The following SIPA1L2 variants were observed in gnomAD, a reference collection of about 807,000 sequenced individuals.
The protein encoded by SIPA1L2 is signal induced proliferation associated 1 like 2, also known as signal-induced proliferation-associated 1-like protein 2.
SIPA1L2 carries 56 observed loss-of-function variants against 163.9 expected under a neutral mutation model. The ratio of observed to expected loss-of-function variants is 0.34; its 90% CI spans 0.28 to 0.43. The LOEUF (loss-of-function observed/expected upper bound fraction) is 0.43. SIPA1L2 is among the 20% of genes least tolerant of loss of function. The pLI, the probability that SIPA1L2 is intolerant of heterozygous loss-of-function variation, is 1.00. For missense variants in SIPA1L2, 1,974 were observed against 2,193.5 expected, an observed-to-expected ratio of 0.90 and a Z score of 2.00; for synonymous variants, 877 against 865.7, an observed-to-expected ratio of 1.01 and a Z score of -0.23.
intron 2 of SIPA1L2, among the ~76,000 whole-genome samples, chr1:232,555,005 T>C (rs921140288): frequency 8.5e-5 from 13 of 152,188 alleles, no homozygotes; most frequent in Non-Finnish European, 1.3e-4. Flanking sequence ...AAACAAGAAA[T>C]TGAGTTTACA....
At chr1:232,482,443 GAA>G (rs61073207) in intron 6 of SIPA1L2, among the ~76,000 whole-genome samples, 11 of 139,162 alleles carry the variant, frequency 7.9e-5, no homozygotes, top group Non-Finnish European at 1.3e-4. Context: ...AGAGGAGTTT[GAA>G]AAAAAAAAAA....
rs373689039 is a variant in SIPA1L2 at position 232,605,680 on chromosome 1, C to T, written c.-319+24189G>A. On this transcript the variant is annotated intron_variant, in intron 1 of 22. Transcript: ENST00000674635. ...CTGCACTCCAGCCTGGGCGACAGAG[C>T]GAGATTCTGTCTTAAAAACAAAACA... 3.4e-5 allele frequency among the ~76,000 whole-genome samples: 5 copies of T among 148,224 alleles called. No homozygotes were observed. In the East Asian group the frequency reaches 6.1e-4, roughly 18 times the overall value.
At chr1:232,501,050 A>ATTTTTTTTTTTTTTTTTTTTTTTTTT (rs60008360) in intron 3 of SIPA1L2, among the ~76,000 whole-genome samples, 1 of 78,450 alleles carries the variant, frequency 1.3e-5, no homozygotes, top group African/African-American at 4.8e-5. Flanking sequence ...GCAATGAAGT[A>ATTTTTTTTTTTTTTTTTTTTTTTTTT]TTTTTTTTTT....
chr1:232,628,295 G>A (rs947378409), intron 1 of SIPA1L2, among the ~76,000 whole-genome samples: 1 of 152,168 alleles, frequency 6.6e-6, no homozygotes, highest in African/African-American at 2.4e-5. Flanking sequence ...TACTTTAACT[G>A]CATCTCTTCC....
rs780249220 is a variant in SIPA1L2, at chr1:232,514,605, A to C, written c.735T>G (p.His245Gln). The part of the protein sequence containing the change: ...RCDPAISPSL[H>Q]AAAQISRGEF... ...CTCCCCTAGAAATCTGTGCTGCTGC[A>C]TGAAGGCTCGGAGAGATTGCAGGGT... Residue 245 changes from histidine to glutamine, a missense_variant, in exon 3 of 23, where the codon CAT (histidine) becomes CAG (glutamine). Physicochemically the swap from His to Gln is conservative, Grantham distance 24. Around this residue, in one of 3 missense-constraint regions of SIPA1L2, gnomAD observed 607 missense variants for 624.0 expected, o/e 0.97. Coordinates refer to ENST00000674635, the MANE Select transcript of SIPA1L2 (RefSeq NM_020808.5). 1.2e-6 allele frequency: 2 copies of C among 1,614,130 alleles called. No individual in the cohort carries two copies. Among genetic ancestry groups the C allele is most frequent in the African/African-American group, 1.3e-5 (1 of 74,940 alleles).
At position 232,514,717 on chromosome 1, in the gene SIPA1L2, A is replaced by T; in HGVS notation, c.623T>A (p.Phe208Tyr). ...TCGGTACCCTCTGAGCATAGCAAAA[A>T]AGTTTTCACCAGATAAGCCTTGCCT... The part of the protein sequence containing the change: ...IDRQGLSGEN[F>Y]FAMLRGYRVE... Residue 208 changes from phenylalanine (F) to tyrosine (Y), a missense_variant, in exon 3 of 23, where the codon TTT becomes TAT. Physicochemically the swap from Phe to Tyr is conservative, Grantham distance 22. This residue lies in a region of SIPA1L2 where 607 missense variants were observed against 624.0 expected (regional missense o/e 0.97). Coordinates refer to ENST00000674635, the MANE Select transcript of SIPA1L2 (RefSeq NM_020808.5). 1 of 1,614,172 alleles carries T rather than the reference A, an allele frequency of 6.2e-7. No individual in the cohort carries two copies. The highest frequency in any genetic ancestry group is 8.5e-7 in the Non-Finnish European group (1 of 1,180,020).
rs16857504 is a variant in SIPA1L2, at chr1:232,515,405, C to T, written c.-66G>A. ...GATGTAAATCTAATTACATTGCTAC[C>T]GACCACGCCATAATACTTGCAGATA... On this transcript the variant is annotated 5_prime_UTR_variant, in exon 3 of 23. Transcript: ENST00000674635. The T allele has an allele frequency of 2.9e-3, 4,311 of 1,465,032 alleles. 130 individuals are homozygous for T. In the African/African-American group the frequency reaches 0.055, roughly 19 times the overall value. The allele number at this position is 1,465,032 out of a possible 1,614,324, so 90.8% of individuals were successfully genotyped here.
At chr1:232,415,028 A>G (rs567186289) in intron 19 of SIPA1L2, among the ~76,000 whole-genome samples, 3 of 152,318 alleles carry the variant, frequency 2.0e-5, no homozygotes, top group African/African-American at 7.2e-5. Flanking sequence ...AGACACTTGC[A>G]TGGGTCAAGC....
At chr1:232,553,712 T>C (rs1468172060) in intron 2 of SIPA1L2, among the ~76,000 whole-genome samples, 1 of 152,206 alleles carries the variant, frequency 6.6e-6, no homozygotes, top group East Asian at 1.9e-4. Flanking sequence ...CCTTATAAAA[T>C]ACATGTCTAA....
At chr1:232,468,254 G>A (rs931699725) in intron 8 of SIPA1L2, among the ~76,000 whole-genome samples, 1 of 152,186 alleles carries the variant, frequency 6.6e-6, no homozygotes, top group East Asian at 1.9e-4. Flanking sequence ...TAACTCGATA[G>A]CATTTATTAA....
chr1:232,439,591 C>G, intron 14 of SIPA1L2, 95 bp from the exon 15 acceptor site: 1 of 1,422,230 alleles, frequency 7.0e-7, no homozygotes, highest in South Asian at 1.4e-5. Context: ...TGGGATCGCA[C>G]CCAAGCCCTT....
chr1:232,583,429 T>A (rs1025925121), intron 1 of SIPA1L2, among the ~76,000 whole-genome samples: 8 of 152,332 alleles, frequency 5.3e-5, no homozygotes, highest in African/African-American at 1.7e-4. Context: ...ATTAAAGTTG[T>A]AGCTTATATT....
At position 232,465,113 on chromosome 1, in the gene SIPA1L2, C is replaced by G. The variant is rs774466058; in HGVS notation, c.2547G>C (p.Leu849Phe). Residue 849 changes from leucine (L) to phenylalanine (F), a missense_variant, in exon 9 of 23, where the codon TTG (leucine) becomes TTC (phenylalanine). Coordinates refer to ENST00000674635, the MANE Select transcript of SIPA1L2 (RefSeq NM_020808.5). This position sits in a 1 kb window ranked among gnomAD's most constrained non-coding sequence, Gnocchi z 4.1. ...GCCACATGATGGCCCCAATGCTAAA[C>G]AAGTGGGCATCCTTCCTTGGCTTTA... The part of the protein sequence containing the change: ...EKVKPRKDAH[L>F]FSIGAIMWHV... The G allele has an allele frequency of 2.0e-5, 33 of 1,614,070 alleles. No homozygotes were observed. Among genetic ancestry groups the G allele is most frequent in the Non-Finnish European group, 2.6e-5 (31 of 1,180,040 alleles).
chr1:232,575,531 G>A (rs564475492), intron 1 of SIPA1L2, among the ~76,000 whole-genome samples: 32 of 152,304 alleles, frequency 2.1e-4, no homozygotes, highest in Non-Finnish European at 3.8e-4. Flanking sequence ...GGATTAGGGT[G>A]GGGAAAGAAA....
chr1:232,604,671 A>G (rs1661795630), intron 1 of SIPA1L2, among the ~76,000 whole-genome samples: 1 of 152,026 alleles, frequency 6.6e-6, no homozygotes, highest in Admixed American at 6.5e-5. Context: ...AATTGTAATC[A>G]CCAATGTTGG....
At chr1:232,481,895 C>T (rs1665377599) in intron 6 of SIPA1L2, among the ~76,000 whole-genome samples, 1 of 152,174 alleles carries the variant, frequency 6.6e-6, no homozygotes, top group Non-Finnish European at 1.5e-5. Flanking sequence ...CCAGATTTGA[C>T]CTAAGTCTTC....
chr1:232,578,754 A>G (rs1226045141), intron 1 of SIPA1L2, among the ~76,000 whole-genome samples: 7 of 152,196 alleles, frequency 4.6e-5, no homozygotes, highest in Non-Finnish European at 1.0e-4. Flanking sequence ...AACATCCTGT[A>G]AACAATTAAT....
At chr1:232,532,426 T>C (rs923595551) in intron 2 of SIPA1L2, among the ~76,000 whole-genome samples, 15 of 152,190 alleles carry the variant, frequency 9.9e-5, no homozygotes, top group Non-Finnish European at 1.9e-4. Context: ...CAGCAAGAAC[T>C]TGATAAATAC....
intron 7 of SIPA1L2, among the ~76,000 whole-genome samples, chr1:232,475,051 T>C (rs1014588059): frequency 6.6e-6 from 1 of 152,244 alleles, no homozygotes; most frequent in African/African-American, 2.4e-5. Flanking sequence ...GAAGGTCATC[T>C]GCAGGTCTCC....
Sources: allele counts gnomAD v4.1 joint callset (sites outside exome capture counted in the v4.1 genomes callset), GRCh38; gene constraint gnomAD v4.1.1; regional missense constraint gnomAD v4.1.1; non-coding constraint Gnocchi (gnomAD v3.1); transcripts MANE v1.5; gene names NCBI Gene and HGNC (gene_info 2026-07-23, HGNC 2026-07-21).